Variants in ZBBX observed in about 807,000 individuals in gnomAD.
ZBBX encodes the protein zinc finger B-box domain containing, also known as zinc finger B-box domain-containing protein 1.
A neutral mutation model predicts 108.5 loss-of-function variants in ZBBX; 101 were observed. That is an observed-to-expected ratio of 0.93 (90% CI 0.79 to 1.10). The LOEUF (loss-of-function observed/expected upper bound fraction) is 1.10, where lower values mean the gene tolerates loss of function less well. ZBBX is among the 50% of genes least tolerant of loss of function. The pLI, the probability that ZBBX is intolerant of heterozygous loss-of-function variation, is 0.00. For synonymous variants in ZBBX, 356 were observed against 323.4 expected, an observed-to-expected ratio of 1.10 and a Z score of -1.08; for missense variants, 1,009 against 941.4, an observed-to-expected ratio of 1.07 and a Z score of -0.94.
chr3:167,373,231 T>G (rs1468988641), intron 3 of ZBBX, among the ~76,000 whole-genome samples: 2 of 152,202 alleles, frequency 1.3e-5, no homozygotes, highest in Admixed American at 1.3e-4. Flanking sequence ...AAGAGCTGAT[T>G]TAAAGTATAC....
chr3:167,220,610 CAG>C, the ZBBX span, among the ~76,000 whole-genome samples: 4 of 151,912 alleles, frequency 2.6e-5, no homozygotes, highest in Admixed American at 2.6e-4. Flanking sequence ...CCATCTACGA[CAG>C]ACTCACAGCT....
intron 1 of ZBBX, among the ~76,000 whole-genome samples, chr3:167,389,737 G>C (rs1748034329): frequency 6.6e-6 from 1 of 152,114 alleles, no homozygotes; most frequent in African/African-American, 2.4e-5. Flanking sequence ...TAGTGATGAT[G>C]AGCTTATTTT....
chr3:167,325,154 T>C (rs1232641698), intron 11 of ZBBX, among the ~76,000 whole-genome samples: 3 of 152,166 alleles, frequency 2.0e-5, no homozygotes, highest in African/African-American at 7.2e-5. Context: ...CAAACTCGTG[T>C]GATACAGTTG....
rs767313203 is a variant in ZBBX at position 167,328,134 on chromosome 3, T to C, written c.688-18A>G. 8 of 1,575,198 alleles carry C rather than the reference T, an allele frequency of 5.1e-6. No individual in the cohort carries two copies. In the East Asian group the frequency reaches 9.0e-5, roughly 18 times the overall value. ...ATTTCTACCTAATTAAAAGGATACA[T>C]AGGCATGCTTTATTAAATTTTCTGT... On this transcript the variant is annotated intron_variant, in intron 10 of 21. Transcript: ENST00000675490.
At position 167,333,643 on chromosome 3, in the gene ZBBX, A is replaced by T. The variant is rs183589059; in HGVS notation, c.687+184T>A. Among the ~76,000 whole-genome samples, 386 of 152,366 alleles carry T rather than the reference A, an allele frequency of 2.5e-3. 1 individual carries two copies. The highest frequency in any genetic ancestry group is 9.0e-3 in the African/African-American group (374 of 41,586). ...AAAAAGAGTAGTGTTCAGTGGAATC[A>T]AAGCAGGCTTCTTGAAAATATTTTT... On this transcript the variant is annotated intron_variant, in intron 10 of 21. Transcript: ENST00000675490.
chr3:167,267,905 G>C lies in ZBBX; in HGVS notation c.2254+14333C>G, dbSNP rs1340917123. Among the ~76,000 whole-genome samples, 3 of 150,128 alleles carry C rather than the reference G, an allele frequency of 2.0e-5. No homozygotes were observed. The South Asian group carries it at 6.3e-4, about 31-fold the overall frequency. ...CCCCAATCCTTCCCCTCAGGCAGCT[G>C]CTGCTGCCCTGGATCCTGCCCCAGA... On this transcript the variant is annotated intron_variant, in intron 20 of 21. Coordinates refer to ENST00000675490, the MANE Select transcript of ZBBX (RefSeq NM_001199201.2).
chr3:167,390,936 G>A (rs115433808), intron 1 of ZBBX, among the ~76,000 whole-genome samples: 132 of 152,202 alleles, frequency 8.7e-4, no homozygotes, highest in Non-Finnish European at 1.6e-3. Context: ...TGCAAATGAA[G>A]ATAATTTGAC....
intron 9 of ZBBX, among the ~76,000 whole-genome samples, chr3:167,346,739 C>T (rs1741524839): frequency 6.6e-6 from 1 of 151,536 alleles, no homozygotes; most frequent in Non-Finnish European, 1.5e-5. Flanking sequence ...TTAGTGAGAG[C>T]TAAGAAAAAG....
At position 167,350,491 on chromosome 3, in the gene ZBBX, A is replaced by G; in HGVS notation, c.457T>C (p.Tyr153His). 1 of 1,590,882 alleles carries G rather than the reference A, an allele frequency of 6.3e-7. No homozygotes were observed. The highest frequency in any genetic ancestry group is 1.2e-5 in the South Asian group (1 of 86,584). ...ACTTTAGCAAAGCATCCTGAACAAT[A>G]ATCTTCTCCACATTCAAGGCATACC... ...LLVCLECGED[Y>H]CSGCFAKVHQ... Residue 153 changes from tyrosine (Y) to histidine (H), a missense_variant, in exon 9 of 22, where the codon TAT becomes CAT. By Grantham distance (83) the Tyr-to-His change is moderately conservative. Coordinates refer to ENST00000675490, the MANE Select transcript of ZBBX (RefSeq NM_001199201.2).
intron 17 of ZBBX, among the ~76,000 whole-genome samples, chr3:167,303,363 A>G (rs982578403): frequency 1.8e-4 from 27 of 152,172 alleles, no homozygotes; most frequent in African/African-American, 6.3e-4. Flanking sequence ...ATACATATCT[A>G]ACAGTCTTAC....
At chr3:167,335,856 A>C (rs1370768896) in intron 9 of ZBBX, among the ~76,000 whole-genome samples, 1 of 151,920 alleles carries the variant, frequency 6.6e-6, no homozygotes, top group East Asian at 1.9e-4. Context: ...ATCTGCTCCA[A>C]ATTTTCCCAA....
chr3:167,189,420 C>T, the ZBBX span, among the ~76,000 whole-genome samples: 1 of 152,116 alleles, frequency 6.6e-6, no homozygotes, highest in Non-Finnish European at 1.5e-5. Context: ...GTGTGTGGTG[C>T]TTCTCAGAAG....
At chr3:167,190,242 A>T in the ZBBX span, among the ~76,000 whole-genome samples, 27 of 152,324 alleles carry the variant, frequency 1.8e-4, no homozygotes, top group East Asian at 4.6e-3. Context: ...AACTACAGTT[A>T]CATCATTTGC....
chr3:167,264,316 G>T (rs911810311), intron 20 of ZBBX, among the ~76,000 whole-genome samples: 7 of 151,926 alleles, frequency 4.6e-5, no homozygotes, highest in African/African-American at 9.7e-5. Flanking sequence ...TTTAGTGAAG[G>T]TGATTTTCTC....
chr3:167,240,837 T>G lies in ZBBX; in HGVS notation c.2476A>C (p.Asn826His). Residue 826 changes from asparagine (N) to histidine (H), a missense_variant, in exon 22 of 22, where the codon AAC (asparagine) becomes CAC (histidine). Coordinates refer to ENST00000675490, the MANE Select transcript of ZBBX (RefSeq NM_001199201.2). ...GGTAGTGTGATGACATGTTGCTTGTTGAGAAAATCTTCCTCCTCCTCATCT... is the reference window on the plus strand; with the variant it reads ...GGTAGTGTGATGACATGTTGCTTGTGGAGAAAATCTTCCTCCTCCTCATCT... Reference protein sequence around the residue: ...STDEEEEDFLNKQHVITLPWS... With the variant: ...STDEEEEDFLHKQHVITLPWS... The G allele has an allele frequency of 6.2e-7, 1 of 1,613,686 alleles. No homozygotes were observed. Among genetic ancestry groups the G allele is most frequent in the East Asian group, 2.2e-5 (1 of 44,860 alleles).
At chr3:167,364,428 C>A (rs1266691064) in intron 6 of ZBBX, among the ~76,000 whole-genome samples, 1 of 151,988 alleles carries the variant, frequency 6.6e-6, no homozygotes, top group Non-Finnish European at 1.5e-5. Context: ...TGAACTACTT[C>A]GATTTTACTT....
At chr3:167,200,827 A>G in the ZBBX span, among the ~76,000 whole-genome samples, 1 of 152,132 alleles carries the variant, frequency 6.6e-6, no homozygotes, top group South Asian at 2.1e-4. Context: ...GTGTGCCACA[A>G]AAGTGGAAGG....
chr3:167,330,488 C>T (rs760457370), intron 10 of ZBBX, among the ~76,000 whole-genome samples: 22 of 152,188 alleles, frequency 1.4e-4, no homozygotes, highest in Non-Finnish European at 2.6e-4. Flanking sequence ...TGTTGAAGCC[C>T]TAACCCCCAA....
intron 18 of ZBBX, among the ~76,000 whole-genome samples, chr3:167,293,420 A>G (rs1408646397): frequency 6.6e-6 from 1 of 152,250 alleles, no homozygotes; most frequent in Non-Finnish European, 1.5e-5. Context: ...AATCCATCAC[A>G]TAAACAGAAC....
Sources: gnomAD v4.1 joint callset for allele counts (sites outside exome capture counted in the v4.1 genomes callset) on GRCh38, gnomAD v4.1.1 for gene constraint, MANE v1.5 for transcripts, NCBI Gene and HGNC (gene_info 2026-07-23, HGNC 2026-07-21) for gene names.